Variants in PARD6B observed in about 807,000 individuals in gnomAD.
PARD6B encodes partitioning defective 6 homolog beta.
In PARD6B, 4 loss-of-function variants were observed where a neutral mutation model predicts 10.5. That is an observed-to-expected ratio of 0.38 (90% CI 0.19 to 0.87). The LOEUF is 0.87. PARD6B is among the 40% of genes least tolerant of loss of function. The pLI, the probability that PARD6B is intolerant of heterozygous loss-of-function variation, is 0.41. For missense variants in PARD6B, 396 were observed against 470.6 expected (o/e 0.84, Z 1.47); for synonymous variants, 169 against 170.4 (o/e 0.99, Z 0.07).
intron 2 of PARD6B, among the ~76,000 whole-genome samples, chr20:50,742,245 T>C: frequency 6.6e-6 from 1 of 152,096 alleles, no homozygotes; most frequent in East Asian, 1.9e-4. Context: ...GGTTTTGCCA[T>C]GTTGGCCAGA....
chr20:50,744,132 G>GTT (rs2087549625), intron 2 of PARD6B, among the ~76,000 whole-genome samples: 2 of 46,746 alleles, frequency 4.3e-5, no homozygotes, highest in Admixed American at 3.0e-4. Flanking sequence ...TTTTTTTTCT[G>GTT]AGAAGCAGTC....
Position 50,747,489 on chromosome 20 carries a change from C to CTTTTTTTTTTTTTTTTTTTTTTTTTTTT in PARD6B, c.290-2147_290-2146insTTTTTTTTTTTTTTTTTTTTTTTTTTTT, listed in dbSNP as rs58629233. On this transcript the variant is annotated intron_variant, in intron 2 of 2. Transcript: ENST00000371610. ...TTTCTTTTTCTTTTTTTCTTTCTTT[C>CTTTTTTTTTTTTTTTTTTTTTTTTTTTT]TTTTTTTTTTTTTTTTTTTTTTTGC... Among the ~76,000 whole-genome samples, 17 of 33,358 alleles carry CTTTTTTTTTTTTTTTTTTTTTTTTTTTT rather than the reference C, an allele frequency of 5.1e-4. 1 individual carries two copies. The highest frequency in any genetic ancestry group is 1.4e-3 in the African/African-American group (11 of 7,870). 21.9% of individuals were successfully genotyped at this position (33,358 alleles called of 152,430 possible).
At chr20:50,746,560 C>T (rs761401018) in intron 2 of PARD6B, among the ~76,000 whole-genome samples, 4 of 152,222 alleles carry the variant, frequency 2.6e-5, no homozygotes, top group Non-Finnish European at 5.9e-5. Context: ...TGTGGACATT[C>T]ACCTTTACAC....
chr20:50,751,280 T>TA lies in PARD6B; in HGVS notation c.*793dup, dbSNP rs34538740. 0.26 allele frequency: 246,468 copies of TA among 966,024 alleles called. 32,776 individuals carry two copies. Among genetic ancestry groups the TA allele is most frequent in the African/African-American group, 0.39 (21,585 of 55,886 alleles). 59.8% of individuals were successfully genotyped at this position (966,024 alleles called of 1,614,324 possible). On this transcript the variant is annotated 3_prime_UTR_variant, in exon 3 of 3. Coordinates refer to ENST00000371610, the MANE Select transcript of PARD6B (RefSeq NM_032521.3). ...CAGCCTATTTTGATTTTTGTTTTTT[T>TA]ATGTTCCTTTCTAATAAATTGTAAC...
chr20:50,742,035 G>C (rs762112617), intron 2 of PARD6B, among the ~76,000 whole-genome samples: 38 of 152,094 alleles, frequency 2.5e-4, no homozygotes, highest in Non-Finnish European at 4.0e-4. Context: ...TAAGGCAGAA[G>C]TTACACTTAA....
Position 50,750,073 on chromosome 20 carries a change from T to C in PARD6B, c.704T>C (p.Met235Thr). Residue 235 changes from methionine to threonine, a missense_variant, in exon 3 of 3, where the codon ATG becomes ACG. This residue lies in a region of PARD6B where 188 missense variants were observed against 169.7 expected (regional missense o/e 1.11). Coordinates refer to ENST00000371610, the MANE Select transcript of PARD6B (RefSeq NM_032521.3). ...AGCCTTGATCAAGTAACAGACATGATGATTGCAAATAGCCGTAACCTCATC... is the reference window on the plus strand; with the variant it reads ...AGCCTTGATCAAGTAACAGACATGACGATTGCAAATAGCCGTAACCTCATC... ...GKSLDQVTDM[M>T]IANSRNLIIT... 6.2e-7 allele frequency: 1 copy of C among 1,614,200 alleles called. No individual in the cohort carries two copies. Among genetic ancestry groups the C allele is most frequent in the Non-Finnish European group, 8.5e-7 (1 of 1,180,040 alleles).
At chr20:50,741,359 AT>A (rs1369436007) in intron 2 of PARD6B, among the ~76,000 whole-genome samples, 1 of 152,030 alleles carries the variant, frequency 6.6e-6, no homozygotes, top group African/African-American at 2.4e-5. Flanking sequence ...CTTAGCTCAG[AT>A]AAGTTTGTCA....
Position 50,741,629 on chromosome 20 carries a change from C to T in PARD6B, c.289+3550C>T, listed in dbSNP as rs1298576570. ...GGAGTGCAGTGGCGCGATCTCGGCTCACTGCAAGCTCCACACCATTCTCCT... is the reference window on the plus strand; with the variant it reads ...GGAGTGCAGTGGCGCGATCTCGGCTTACTGCAAGCTCCACACCATTCTCCT... On this transcript the variant is annotated intron_variant, in intron 2 of 2. Coordinates refer to ENST00000371610, the MANE Select transcript of PARD6B (RefSeq NM_032521.3). Among the ~76,000 whole-genome samples the T allele has an allele frequency of 2.6e-5, 4 of 151,930 alleles. 1 individual carries two copies. The highest frequency in any genetic ancestry group is 4.2e-4 in the South Asian group (2 of 4,790).
At chr20:50,739,337 T>G (rs1161074569) in intron 2 of PARD6B, among the ~76,000 whole-genome samples, 1 of 152,036 alleles carries the variant, frequency 6.6e-6, no homozygotes, top group African/African-American at 2.4e-5. Context: ...ATCCCAGCTA[T>G]TCAGGAGGCT....
At chr20:50,731,926 G>C in intron 1 of PARD6B, 74 bp downstream of exon 1, 1 of 1,257,790 alleles carries the variant, frequency 8.0e-7, no homozygotes, top group Admixed American at 4.2e-5. Context: ...GCCAGGCTCG[G>C]AGCGCCGGGG....
In PARD6B at chr20:50,749,836, G is replaced by A; in HGVS notation, c.467G>A (p.Arg156His). The A allele has an allele frequency of 1.2e-6, 2 of 1,614,120 alleles. No individual in the cohort carries two copies. The highest frequency in any genetic ancestry group is 2.2e-5 in the East Asian group (1 of 44,882). ...GTGGATATTCTCCCAGAAACGCATC[G>A]TAGGGTACGTCTTTACAAATACGGC... is the stretch of plus-strand genomic sequence containing the variant. Reference protein sequence around the residue: ...IDVDILPETHRRVRLYKYGTE... With the variant: ...IDVDILPETHHRVRLYKYGTE... Residue 156 changes from arginine to histidine, a missense_variant, in exon 3 of 3, where the codon CGT becomes CAT. This residue lies in a region of PARD6B where 208 missense variants were observed against 300.9 expected (regional missense o/e 0.69). Transcript: ENST00000371610.
At position 50,750,175 on chromosome 20, in the gene PARD6B, C is replaced by G; in HGVS notation, c.806C>G (p.Thr269Ser). The change falls in exon 3 of 3, where the codon ACT becomes AGT. Residue 269 changes from threonine (T) to serine (S), a missense_variant. Physicochemically the swap from Thr to Ser is moderately conservative, Grantham distance 58. Coordinates refer to ENST00000371610, the MANE Select transcript of PARD6B (RefSeq NM_032521.3). Reference sequence around the variant, plus strand: ...ACTTCTGGCAGTTCCGGTCAGTCTACTGATAACAGCCTTCTTGGCTACCCA... The same window carrying G: ...ACTTCTGGCAGTTCCGGTCAGTCTAGTGATAACAGCCTTCTTGGCTACCCA... ...SRTSGSSGQS[T>S]DNSLLGYPQQ... The G allele has an allele frequency of 1.2e-6, 2 of 1,614,206 alleles. No homozygotes were observed. Among genetic ancestry groups the G allele is most frequent in the Non-Finnish European group, 1.7e-6 (2 of 1,180,032 alleles).
chr20:50,752,855 A>G lies in PARD6B; in HGVS notation c.*2367A>G, dbSNP rs2087621585. The stretch of plus-strand genomic sequence containing the variant: ...TCAGTAAACTATTAACTGACTGCAC[A>G]TTATGTAATACGTTGTACTTTTTGT... On this transcript the variant is annotated 3_prime_UTR_variant, in exon 3 of 3. Coordinates refer to ENST00000371610, the MANE Select transcript of PARD6B (RefSeq NM_032521.3). 3.1e-6 allele frequency: 3 copies of G among 981,442 alleles called. No homozygotes were observed. The highest frequency in any genetic ancestry group is 3.6e-6 in the Non-Finnish European group (3 of 825,890). The allele number at this position is 981,442 out of a possible 1,614,324, so 60.8% of individuals were successfully genotyped here.
chr20:50,753,457 T>C lies in PARD6B; in HGVS notation c.*2969T>C. On this transcript the variant is annotated 3_prime_UTR_variant, in exon 3 of 3. Transcript: ENST00000371610. The stretch of plus-strand genomic sequence containing the variant: ...TATAGTACTAAATGTCAAGCCTAAC[T>C]GTGAATTTTGTTCTGTATCTTAAGT... 1 of 980,890 alleles carries C rather than the reference T, an allele frequency of 1.0e-6. No homozygotes were observed. Among genetic ancestry groups the C allele is most frequent in the Non-Finnish European group, 1.2e-6 (1 of 825,380 alleles). 60.8% of individuals were successfully genotyped at this position (980,890 alleles called of 1,614,324 possible).
At chr20:50,747,366 T>TGA (rs1484754141) in intron 2 of PARD6B, among the ~76,000 whole-genome samples, 1 of 151,928 alleles carries the variant, frequency 6.6e-6, no homozygotes, top group Non-Finnish European at 1.5e-5. Flanking sequence ...CGCAAGATGG[T>TGA]GAGATTGGTG....
rs2087620867 is a variant in PARD6B, at chr20:50,752,730, C to T, written c.*2242C>T. The T allele has an allele frequency of 1.0e-6, 1 of 981,612 alleles. No individual in the cohort carries two copies. The highest frequency in any genetic ancestry group is 1.2e-6 in the Non-Finnish European group (1 of 826,236). The allele number at this position is 981,612 out of a possible 1,614,324, so 60.8% of individuals were successfully genotyped here. A position where few individuals can be genotyped will look rare whatever the true frequency, so the allele number is the denominator to read the frequency against. On this transcript the variant is annotated 3_prime_UTR_variant, in exon 3 of 3. Transcript: ENST00000371610. ...GACTCCGCTTTGAAGGATGTTTTCT[C>T]TATATGGTAAAATATATATGAAGAA...
At chr20:50,742,700 A>G (rs2087537562) in intron 2 of PARD6B, among the ~76,000 whole-genome samples, 1 of 152,188 alleles carries the variant, frequency 6.6e-6, no homozygotes, top group Admixed American at 6.6e-5. Flanking sequence ...TTGCAAAACC[A>G]TTTTAAAATT....
chr20:50,734,959 G>C (rs151312859), intron 1 of PARD6B, among the ~76,000 whole-genome samples: 2,528 of 152,248 alleles, frequency 0.017, 88 homozygotes, highest in African/African-American at 0.058. Flanking sequence ...AGACCAGCCT[G>C]GCCAACACGG....
In PARD6B at chr20:50,752,728, C is replaced by CT. The variant is rs2087620847; in HGVS notation, c.*2241dup. The stretch of plus-strand genomic sequence containing the variant: ...ATGACTCCGCTTTGAAGGATGTTTT[C>CT]TCTATATGGTAAAATATATATGAAG... On this transcript the variant is annotated 3_prime_UTR_variant, in exon 3 of 3. Transcript: ENST00000371610. The CT allele has an allele frequency of 1.0e-6, 1 of 981,654 alleles. No individual in the cohort carries two copies. Among genetic ancestry groups the CT allele is most frequent in the African/African-American group, 1.8e-5 (1 of 57,108 alleles). The allele number at this position is 981,654 out of a possible 1,614,324, so 60.8% of individuals were successfully genotyped here.
Sources: allele counts gnomAD v4.1 joint callset (sites outside exome capture counted in the v4.1 genomes callset), GRCh38; gene constraint gnomAD v4.1.1; regional missense constraint gnomAD v4.1.1; transcripts MANE v1.5; gene names NCBI Gene and HGNC (gene_info 2026-07-23, HGNC 2026-07-21).